UBAP2L: variants seen among roughly 807,000 people sequenced by gnomAD.
UBAP2L encodes ubiquitin associated protein 2 like, also known as ubiquitin-associated protein 2-like.
Under a neutral mutation model 130.6 loss-of-function variants are expected in UBAP2L, and 12 were observed. That is an observed-to-expected ratio of 0.09 (90% CI 0.06 to 0.15). UBAP2L has a LOEUF of 0.15. Among genes scored for constraint, UBAP2L ranks in the 10% least tolerant of loss-of-function variants. The pLI is 1.00. For synonymous variants in UBAP2L, 503 were observed against 524.7 expected (o/e 0.96, Z 0.57); for missense variants, 965 against 1,332.5 (o/e 0.72, Z 4.29).
At chr1:154,230,692 T>C (rs1669558738) in intron 4 of UBAP2L, among the ~76,000 whole-genome samples, 1 of 152,156 alleles carries the variant, frequency 6.6e-6, no homozygotes, top group Admixed American at 6.5e-5. Context: ...TTATACAGTA[T>C]CAAAAAGGAA....
intron 4 of UBAP2L, among the ~76,000 whole-genome samples, chr1:154,229,862 GT>G (rs199852471): frequency 6.6e-6 from 1 of 151,838 alleles, no homozygotes; most frequent in Non-Finnish European, 1.5e-5. Flanking sequence ...ATAACAACTT[GT>G]TTTTTTTCTT....
chr1:154,271,508 G>T (rs923604450), downstream of UBAP2L: 1 of 152,178 alleles, frequency 6.6e-6, no homozygotes, highest in Admixed American at 6.5e-5. Context: ...ATGGACTACT[G>T]TAGTAGTGGC....
rs376519094 is a variant in UBAP2L at position 154,243,181 on chromosome 1, C to G, written c.757-36C>G. On this transcript the variant is annotated intron_variant, in intron 9 of 26. Transcript: ENST00000428931. The stretch of plus-strand genomic sequence containing the variant: ...TGCCAAGTTTCTGACTGTAGCATCC[C>G]TGACACCAAGAGTGACTAATCCCTC... The G allele has an allele frequency of 1.5e-5, 24 of 1,585,038 alleles. No individual in the cohort carries two copies. The African/African-American group carries it at 2.6e-4, about 17-fold the overall frequency.
chr1:154,241,067 A>T (rs1408000282), intron 8 of UBAP2L, among the ~76,000 whole-genome samples: 1 of 149,192 alleles, frequency 6.7e-6, no homozygotes, highest in Non-Finnish European at 1.5e-5. Context: ...AAGCCCAAGA[A>T]TTTCTTTTTT....
At position 154,257,416 on chromosome 1, in the gene UBAP2L, G is replaced by A. The variant is rs1680005271; in HGVS notation, c.2424G>A (p.Gly808=). Reference sequence around the variant, plus strand: ...CTAATCCGTATATTATGGCTCCAGGGCTGTTACATGCCTACCCGGTAAGTG... The same window carrying A: ...CTAATCCGTATATTATGGCTCCAGGACTGTTACATGCCTACCCGGTAAGTG... The part of the protein sequence containing the change: ...LLPNPYIMAP[G]LLHAYPPQVY... The change falls in exon 20 of 27, where the codon GGG becomes GGA. Residue 808 remains glycine, a synonymous_variant. Coordinates refer to ENST00000428931, the MANE Select transcript of UBAP2L (RefSeq NM_014847.4). The A allele has an allele frequency of 3.1e-6, 5 of 1,612,680 alleles. No homozygotes were observed. Among genetic ancestry groups the A allele is most frequent in the African/African-American group, 1.3e-5 (1 of 74,892 alleles).
At chr1:154,269,020 C>A in intron 26 of UBAP2L, 66 bp downstream of exon 26, 1 of 1,564,860 alleles carries the variant, frequency 6.4e-7, no homozygotes, top group Non-Finnish European at 8.7e-7. Context: ...ACTGCCTTCC[C>A]TTTCCTTTTC....
At chr1:154,243,388 C>G in intron 10 of UBAP2L, 86 bp downstream of exon 10, 13 of 1,181,166 alleles carry the variant, frequency 1.1e-5, no homozygotes, top group Non-Finnish European at 1.6e-5. Context: ...CCTTTGTAAA[C>G]TCCCATGGTG....
Position 154,270,704 on chromosome 1 carries a change from CA to C in UBAP2L, c.*416del. 2.2e-6 allele frequency: 3 copies of C among 1,394,760 alleles called. No individual in the cohort carries two copies. Among genetic ancestry groups the C allele is most frequent in the Non-Finnish European group, 1.8e-6 (2 of 1,081,520 alleles). 86.4% of individuals were successfully genotyped at this position (1,394,760 alleles called of 1,614,324 possible). ...TTAGGAAAACAACAACAACAACAAA[CA>C]AAAAAATGGCGTCATGAATATGAAC... On this transcript the variant is annotated 3_prime_UTR_variant, in exon 27 of 27. Transcript: ENST00000428931.
intron 1 of UBAP2L, among the ~76,000 whole-genome samples, chr1:154,222,336 G>C (rs540608649): frequency 6.6e-6 from 1 of 152,216 alleles, no homozygotes; most frequent in Admixed American, 6.5e-5. Flanking sequence ...TGTACTTAAA[G>C]ATTAGACTAT....
chr1:154,257,655 G>T (rs1274102136), intron 20 of UBAP2L: 2 of 561,380 alleles, frequency 3.6e-6, no homozygotes, highest in Non-Finnish European at 3.2e-6. Flanking sequence ...TATAAACAGC[G>T]TGCAGTTCAA....
intron 11 of UBAP2L, 77 bp downstream of exon 11, chr1:154,246,452 C>A: frequency 6.7e-7 from 1 of 1,493,104 alleles, no homozygotes; most frequent in South Asian, 1.3e-5. Context: ...CTTCCAAAGA[C>A]AGTCAGGTTT....
At chr1:154,230,917 A>G (rs1028290379) in intron 4 of UBAP2L, among the ~76,000 whole-genome samples, 1 of 152,252 alleles carries the variant, frequency 6.6e-6, no homozygotes, top group African/African-American at 2.4e-5. Context: ...GAGAAAGGTT[A>G]CAGTTTCCTG....
intron 10 of UBAP2L, among the ~76,000 whole-genome samples, chr1:154,245,667 G>A (rs535623781): frequency 1.6e-4 from 24 of 152,270 alleles, no homozygotes; most frequent in South Asian, 6.2e-4. Context: ...TGTAATCCCA[G>A]CACTTTGGGA....
At position 154,251,172 on chromosome 1, in the gene UBAP2L, C is replaced by T. The variant is rs1380317793; in HGVS notation, c.1345C>T (p.Pro449Ser). The change falls in exon 13 of 27, where the codon CCT (proline) becomes TCT (serine). Residue 449 changes from proline to serine, a missense_variant. Pro to Ser is a moderately conservative substitution (Grantham distance 74, BLOSUM62 -1). Around this residue, in one of 9 missense-constraint regions of UBAP2L, gnomAD observed 74 missense variants for 97.1 expected, o/e 0.76. Coordinates refer to ENST00000428931, the MANE Select transcript of UBAP2L (RefSeq NM_014847.4). ...SPAVATSTAA[P>S]PPPSSPLPSK... is the part of the protein sequence containing the mutation. ...TGCAGTGGCTACCTCCACAGCTGCA[C>T]CTCCACCTCCGTCTTCTCCTCTGCC... 6.2e-7 allele frequency: 1 copy of T among 1,614,024 alleles called. No individual in the cohort carries two copies. Among genetic ancestry groups the T allele is most frequent in the East Asian group, 2.2e-5 (1 of 44,874 alleles).
upstream of UBAP2L, chr1:154,220,182 G>T: frequency 1.1e-6 from 1 of 948,612 alleles, no homozygotes; most frequent in South Asian, 1.4e-5. Context: ...GGGTCGGCCC[G>T]ACTAAGTGAC....
chr1:154,221,858 G>A (rs1034341424), intron 1 of UBAP2L, among the ~76,000 whole-genome samples: 2 of 152,196 alleles, frequency 1.3e-5, no homozygotes, highest in South Asian at 2.1e-4. Flanking sequence ...GCCCCCATAG[G>A]GTGTATTTAC....
At chr1:154,257,673 T>C (rs1680086837) in intron 20 of UBAP2L, 1 of 506,174 alleles carries the variant, frequency 2.0e-6, no homozygotes, top group African/African-American at 1.9e-5. Context: ...CAAACCTGTG[T>C]TAAGGGTCAA....
chr1:154,220,272 T>C, upstream of UBAP2L: 1 of 1,564,052 alleles, frequency 6.4e-7, no homozygotes, highest in South Asian at 1.1e-5. Flanking sequence ...GCAGACGGGG[T>C]ACAGCTCAAA....
chr1:154,227,475 T>A, intron 3 of UBAP2L, 116 bp downstream of exon 3: 1 of 876,154 alleles, frequency 1.1e-6, no homozygotes, highest in Non-Finnish European at 1.8e-6. Context: ...GAAAGAATTT[T>A]GACCTGAAAT....
Sources: allele counts gnomAD v4.1 joint callset (sites outside exome capture counted in the v4.1 genomes callset), GRCh38; gene constraint gnomAD v4.1.1; regional missense constraint gnomAD v4.1.1; transcripts MANE v1.5; gene names NCBI Gene and HGNC (gene_info 2026-07-23, HGNC 2026-07-21).